ETNK2: variants seen among roughly 807,000 people sequenced by gnomAD.
ETNK2 encodes the protein ethanolamine kinase 2, also known as ethanolamine kinase-like protein.
A neutral mutation model predicts 46.2 loss-of-function variants in ETNK2; 33 were observed. The observed-to-expected ratio is 0.71, with a 90% CI of 0.54 to 0.96. ETNK2 has a LOEUF of 0.96. Among genes scored for constraint, ETNK2 ranks in the 40% least tolerant of loss-of-function variants. ETNK2 has a pLI of 0.00. For synonymous variants in ETNK2, 194 were observed against 209.0 expected (o/e 0.93, Z 0.62); for missense variants, 445 against 509.7 (o/e 0.87, Z 1.22).
At chr1:204,132,296 A>C (rs1366643349) in intron 7 of ETNK2, 40 bp from the exon 8 acceptor site, 2 of 1,517,012 alleles carry the variant, frequency 1.3e-6, no homozygotes, top group Non-Finnish European at 1.8e-6. Context: ...TGAGGAAGAA[A>C]GCCAGGTGGG....
At chr1:204,145,591 AAT>A (rs768574206) in intron 3 of ETNK2, among the ~76,000 whole-genome samples, 3 of 152,248 alleles carry the variant, frequency 2.0e-5, no homozygotes, top group Non-Finnish European at 4.4e-5. Flanking sequence ...ACCTTGGACA[AAT>A]AGTCCCAAAG....
At chr1:204,133,676 C>T (rs953035649) in intron 7 of ETNK2, among the ~76,000 whole-genome samples, 2 of 151,634 alleles carry the variant, frequency 1.3e-5, no homozygotes, top group African/African-American at 2.4e-5. Context: ...GGACTACAGG[C>T]GCCCGCCACC....
At chr1:204,134,774 CT>C in intron 6 of ETNK2, 186 bp from the exon 7 acceptor site, 1 of 1,349,382 alleles carries the variant, frequency 7.4e-7, no homozygotes, top group Non-Finnish European at 1.0e-6. Context: ...CATTTGGCGC[CT>C]CCACTCCTGC....
chr1:204,151,419 G>T lies in ETNK2; in HGVS notation c.258+176C>A. 1.1e-6 allele frequency: 1 copy of T among 941,654 alleles called. No homozygotes were observed. The highest frequency in any genetic ancestry group is 1.5e-6 in the Non-Finnish European group (1 of 648,112). 58.3% of individuals were successfully genotyped at this position (941,654 alleles called of 1,614,324 possible). A position where few individuals can be genotyped will look rare whatever the true frequency, so the allele number is the denominator to read the frequency against. ...GTGTGCAGGGCCAAGGGAGGTGTGA[G>T]CCTAGTTTTGGTAGCGACGAAATCA... is the stretch of plus-strand genomic sequence containing the variant. On this transcript the variant is annotated intron_variant, in intron 1 of 7. Transcript: ENST00000367202. The surrounding 1 kb of genome is among the most constrained non-coding windows in gnomAD (Gnocchi z 8.0).
At chr1:204,149,634 A>T in intron 2 of ETNK2, 69 bp downstream of exon 2, 2 of 1,498,568 alleles carry the variant, frequency 1.3e-6, no homozygotes, top group Non-Finnish European at 1.8e-6. Flanking sequence ...CATGGACCCC[A>T]CATGCCAAGG....
intron 4 of ETNK2, among the ~76,000 whole-genome samples, chr1:204,140,629 A>G (rs959775517): frequency 1.3e-5 from 2 of 151,360 alleles, no homozygotes; most frequent in African/African-American, 4.9e-5. Flanking sequence ...GGTTCAAGCG[A>G]TTCTCCTGCC....
At chr1:204,140,869 C>T (rs542074789) in intron 4 of ETNK2, among the ~76,000 whole-genome samples, 134 of 148,424 alleles carry the variant, frequency 9.0e-4, no homozygotes, top group Middle Eastern at 3.6e-3. Flanking sequence ...GTTGCCCAGG[C>T]TGGAGTGTAG....
Position 204,146,779 on chromosome 1 carries a change from AG to A in ETNK2, c.519-16del, listed in dbSNP as rs760684800. The stretch of plus-strand genomic sequence containing the variant: ...AGGCGATTAACCTACAGCAGGGAAC[AG>A]GAAGAGTAGAGCATCAGTGCTGGGA... On this transcript the variant is annotated splice_polypyrimidine_tract_variant and intron_variant, in intron 2 of 7. Coordinates refer to ENST00000367202, the MANE Select transcript of ETNK2 (RefSeq NM_018208.4). The A allele has an allele frequency of 1.2e-6, 2 of 1,613,912 alleles. No individual in the cohort carries two copies. Among genetic ancestry groups the A allele is most frequent in the South Asian group, 2.2e-5 (2 of 91,068 alleles).
intron 3 of ETNK2, among the ~76,000 whole-genome samples, chr1:204,145,087 G>A (rs1403034004): frequency 6.6e-6 from 1 of 152,208 alleles, no homozygotes; most frequent in Non-Finnish European, 1.5e-5. Context: ...GGAGCTCCAG[G>A]TGCTTATCTC....
intron 7 of ETNK2, 136 bp downstream of exon 7, chr1:204,134,379 G>A: frequency 2.1e-6 from 2 of 938,420 alleles, no homozygotes; most frequent in Non-Finnish European, 3.2e-6. Context: ...CGCTGGAGAT[G>A]AGCTGGAACG....
At position 204,137,202 on chromosome 1, in the gene ETNK2, G is replaced by C. The variant is rs1657320944; in HGVS notation, c.916C>G (p.Leu306Val). 6.2e-7 allele frequency: 1 copy of C among 1,613,840 alleles called. No homozygotes were observed. Among genetic ancestry groups the C allele is most frequent in the Admixed American group, 1.7e-5 (1 of 60,006 alleles). The stretch of plus-strand genomic sequence containing the variant: ...TGCAGGTAGTAGTGCAGCCACTGCA[G>C]CTGGGTCTCCCGCGCCGGGTACAGG... ...YCLYPARETQ[L>V]QWLHYYLQAQ... is the part of the protein sequence containing the mutation. Residue 306 changes from leucine (L) to valine (V), a missense_variant, in exon 6 of 8, where the codon CTG becomes GTG. By Grantham distance (32) the Leu-to-Val change is conservative. Coordinates refer to ENST00000367202, the MANE Select transcript of ETNK2 (RefSeq NM_018208.4).
chr1:204,144,776 G>A lies in ETNK2; in HGVS notation c.641+1866C>T, dbSNP rs11240684. Reference sequence around the variant, plus strand: ...CTGCTCCAGCCAACCTCATCTACTCGTCACTCAGGAGCAAACCCTGCTCCA... The same window carrying A: ...CTGCTCCAGCCAACCTCATCTACTCATCACTCAGGAGCAAACCCTGCTCCA... On this transcript the variant is annotated intron_variant, in intron 3 of 7. Transcript: ENST00000367202. Among the ~76,000 whole-genome samples, 606 of 151,544 alleles carry A rather than the reference G, an allele frequency of 4.0e-3. 5 individuals carry two copies. The highest frequency in any genetic ancestry group is 0.013 in the African/African-American group (548 of 41,232).
rs1658001994 is a variant in ETNK2 at position 204,151,462 on chromosome 1, G to A, written c.258+133C>T. ...CGAAATCAATCCGTACACAAACCACGTTCCAAACCTTTCTTGCGCAGCAGC... is the reference window on the plus strand; with the variant it reads ...CGAAATCAATCCGTACACAAACCACATTCCAAACCTTTCTTGCGCAGCAGC... On this transcript the variant is annotated intron_variant, in intron 1 of 7. Transcript: ENST00000367202. This position sits in a 1 kb window ranked among gnomAD's most constrained non-coding sequence, Gnocchi z 8.0. 2 of 1,315,042 alleles carry A rather than the reference G, an allele frequency of 1.5e-6. No homozygotes were observed. The highest frequency in any genetic ancestry group is 2.5e-5 in the Admixed American group (1 of 39,688). 81.5% of individuals were successfully genotyped at this position (1,315,042 alleles called of 1,614,324 possible). A position where few individuals can be genotyped will look rare whatever the true frequency, so the allele number is the denominator to read the frequency against.
chr1:204,149,825 C>G lies in ETNK2; in HGVS notation c.396G>C (p.Gln132His), dbSNP rs762324880. 2 of 1,606,664 alleles carry G rather than the reference C, an allele frequency of 1.2e-6. No homozygotes were observed. The highest frequency in any genetic ancestry group is 2.2e-5 in the South Asian group (2 of 89,300). The change falls in exon 2 of 8, where the codon CAG (glutamine) becomes CAC (histidine). Residue 132 changes from glutamine (Q) to histidine (H), a missense_variant. Coordinates refer to ENST00000367202, the MANE Select transcript of ETNK2 (RefSeq NM_018208.4). ...VDRENEVRNF[Q>H]LLRAHSCAPK... is the part of the protein sequence containing the mutation. ...GGGCACAGCTGTGTGCTCGCAGCAG[C>G]TGGAAGTTTCTGACCTCATTCTCCC... is the stretch of plus-strand genomic sequence containing the variant.
chr1:204,145,478 C>A (rs558124592), intron 3 of ETNK2, among the ~76,000 whole-genome samples: 1 of 152,332 alleles, frequency 6.6e-6, no homozygotes, highest in Non-Finnish European at 1.5e-5. Flanking sequence ...GACCTGTTCT[C>A]TACAAACTGT....
At chr1:204,139,911 A>C (rs1657433743) in intron 5 of ETNK2, 124 bp downstream of exon 5, 1 of 754,788 alleles carries the variant, frequency 1.3e-6, no homozygotes. Flanking sequence ...GAAAAGGTAC[A>C]GTAAAAATAT....
intron 2 of ETNK2, among the ~76,000 whole-genome samples, chr1:204,149,443 C>A (rs549884930): frequency 6.6e-6 from 1 of 152,200 alleles, no homozygotes; most frequent in Non-Finnish European, 1.5e-5. Context: ...GGAAGCAGAT[C>A]TCTGCCGCAC....
intron 3 of ETNK2, among the ~76,000 whole-genome samples, chr1:204,146,397 A>G (rs1306103528): frequency 6.6e-6 from 1 of 152,210 alleles, no homozygotes; most frequent in Non-Finnish European, 1.5e-5. Context: ...TGCCACAATC[A>G]GAGAGTGAAG....
At chr1:204,148,396 C>T (rs2102302742) in intron 2 of ETNK2, among the ~76,000 whole-genome samples, 1 of 152,170 alleles carries the variant, frequency 6.6e-6, no homozygotes, top group South Asian at 2.1e-4. Context: ...AATATCTGAG[C>T]TTATATGCAC....
Sources: allele counts gnomAD v4.1 joint callset (sites outside exome capture counted in the v4.1 genomes callset), GRCh38; gene constraint gnomAD v4.1.1; non-coding constraint Gnocchi (gnomAD v3.1); transcripts MANE v1.5; gene names NCBI Gene and HGNC (gene_info 2026-07-23, HGNC 2026-07-21).